The following GDPD4 variants were observed in gnomAD, a reference collection of about 807,000 sequenced individuals.
GDPD4 encodes glycerophosphodiester phosphodiesterase domain containing 4.
Under a neutral mutation model 67.8 loss-of-function variants are expected in GDPD4, and 60 were observed. The ratio of observed to expected loss-of-function variants is 0.88; its 90% CI spans 0.72 to 1.10. GDPD4 has a LOEUF of 1.10. Ranked by LOEUF, GDPD4 falls within the 50% of genes least tolerant of loss-of-function variation. The probability of loss-of-function intolerance (pLI) is 0.00; values close to 1 mark genes in which losing one functional copy is unlikely to be tolerated. For synonymous variants in GDPD4, 212 were observed against 210.9 expected, an observed-to-expected ratio of 1.00 and a Z score of -0.04; for missense variants, 623 against 613.9, an observed-to-expected ratio of 1.01 and a Z score of -0.16.
At chr11:77,225,947 T>C (rs574627260) in intron 16 of GDPD4, among the ~76,000 whole-genome samples, 1 of 152,134 alleles carries the variant, frequency 6.6e-6, no homozygotes, top group Non-Finnish European at 1.5e-5. Flanking sequence ...TCTAGATATC[T>C]CTTTGAGGTA....
rs947400190 is a variant in GDPD4, at chr11:77,279,542, C to A, written c.54-143G>T. 24 of 376,172 alleles carry A rather than the reference C, an allele frequency of 6.4e-5. 2 individuals are homozygous for A. Among genetic ancestry groups the A allele is most frequent in the African/African-American group, 4.5e-4 (22 of 49,238 alleles). 23.3% of individuals were successfully genotyped at this position (376,172 alleles called of 1,614,324 possible). A position where few individuals can be genotyped will look rare whatever the true frequency, so the allele number is the denominator to read the frequency against. ...AGCAGTGTGTGAACAGCAGCTTTTG[C>A]GGATAATTATATGAGGAGTTTTAAA... is the stretch of plus-strand genomic sequence containing the variant. On this transcript the variant is annotated intron_variant, in intron 3 of 16. Transcript: ENST00000315938.
At chr11:77,233,215 C>G (rs1958486746) in intron 13 of GDPD4, 43 bp from the exon 14 acceptor site, 1 of 1,588,170 alleles carries the variant, frequency 6.3e-7, no homozygotes, top group Non-Finnish European at 8.6e-7. Flanking sequence ...GATCAAGTTT[C>G]ATTCTCATCA....
chr11:77,259,693 A>C (rs566522771), intron 10 of GDPD4, among the ~76,000 whole-genome samples: 53 of 152,218 alleles, frequency 3.5e-4, no homozygotes, highest in African/African-American at 1.3e-3. Context: ...AATGAGAAGA[A>C]AGAGATTAGA....
intron 11 of GDPD4, among the ~76,000 whole-genome samples, chr11:77,252,066 T>TG (rs1565523326): frequency 5.3e-4 from 16 of 29,992 alleles, no homozygotes; most frequent in African/African-American, 7.3e-4. Flanking sequence ...TTTTTTTTTG[T>TG]TTTTTTTTTT....
chr11:77,251,830 T>C (rs937956786), intron 11 of GDPD4, among the ~76,000 whole-genome samples: 1 of 152,182 alleles, frequency 6.6e-6, no homozygotes, highest in African/African-American at 2.4e-5. Context: ...ATCTACAATA[T>C]GAAAATTTGT....
In GDPD4 at chr11:77,269,943, T is replaced by G; in HGVS notation, c.418A>C (p.Arg140=). Residue 140 remains arginine (R), a synonymous_variant, in exon 8 of 17, where the codon AGG becomes CGG. Transcript: ENST00000315938. Reference sequence around the variant, plus strand: ...CTTTTTTTCTCAGAATGTGTCATCCTGTATCTTCTCATTCTAACTAAAATT... The same window carrying G: ...CTTTTTTTCTCAGAATGTGTCATCCGGTATCTTCTCATTCTAACTAAAATT... ...LEREVRMRRY[R]MTHSEKKRLK... 1 of 1,560,284 alleles carries G rather than the reference T, an allele frequency of 6.4e-7. No homozygotes were observed. The highest frequency in any genetic ancestry group is 8.8e-7 in the Non-Finnish European group (1 of 1,132,758).
chr11:77,229,094 C>T (rs1338987350), intron 15 of GDPD4, 56 bp downstream of exon 15: 12 of 792,332 alleles, frequency 1.5e-5, no homozygotes, highest in Non-Finnish European at 2.2e-5. Flanking sequence ...TCTCAATTTC[C>T]TATAATAATC....
At chr11:77,263,184 A>G (rs1306300139) in intron 10 of GDPD4, among the ~76,000 whole-genome samples, 1 of 152,188 alleles carries the variant, frequency 6.6e-6, no homozygotes, top group East Asian at 1.9e-4. Context: ...TCTACACAAA[A>G]GAATAGTGCC....
chr11:77,225,420 C>T (rs1958311295), intron 16 of GDPD4, among the ~76,000 whole-genome samples: 1 of 151,782 alleles, frequency 6.6e-6, no homozygotes, highest in South Asian at 2.1e-4. Flanking sequence ...GAAATAAAGA[C>T]TAAAATTATG....
rs527878726 is a variant in GDPD4, at chr11:77,240,031, T to C, written c.1241+3663A>G. 9.9e-5 allele frequency among the ~76,000 whole-genome samples: 15 copies of C among 151,802 alleles called. No individual in the cohort carries two copies. In the South Asian group the frequency reaches 2.1e-3, roughly 21 times the overall value. ...AAATGAAAAGTTATGTGTTTATGGA[T>C]TGAAAGACTTAATATTGTTACAATG... On this transcript the variant is annotated intron_variant, in intron 13 of 16. Coordinates refer to ENST00000315938, the MANE Select transcript of GDPD4 (RefSeq NM_182833.3).
chr11:77,264,849 G>C (rs943793846), intron 10 of GDPD4, among the ~76,000 whole-genome samples: 3 of 151,710 alleles, frequency 2.0e-5, no homozygotes, highest in African/African-American at 7.3e-5. Context: ...TGATTATTTT[G>C]AGCTGGTTAT....
intron 14 of GDPD4, 73 bp from the exon 15 acceptor site, chr11:77,229,305 T>G: frequency 1.2e-6 from 1 of 850,340 alleles, no homozygotes; most frequent in Non-Finnish European, 1.9e-6. Flanking sequence ...CTAAGTCCCT[T>G]GCTCTGCTGC....
At chr11:77,237,212 G>A (rs1477885911) in intron 13 of GDPD4, among the ~76,000 whole-genome samples, 2 of 152,148 alleles carry the variant, frequency 1.3e-5, no homozygotes, top group South Asian at 2.1e-4. Context: ...CTGGGCCACA[G>A]AGTACATGTC....
intron 1 of GDPD4, among the ~76,000 whole-genome samples, chr11:77,292,708 A>G (rs1717096301): frequency 6.6e-6 from 1 of 152,174 alleles, no homozygotes; most frequent in Admixed American, 6.5e-5. Context: ...AGGATCATTA[A>G]GGAGATTAAA....
At chr11:77,269,763 G>C (rs1025326956) in intron 8 of GDPD4, 120 bp downstream of exon 8, 1 of 602,790 alleles carries the variant, frequency 1.7e-6, no homozygotes, top group Non-Finnish European at 3.0e-6. Flanking sequence ...CAATGCCTGC[G>C]ATAACCAGCC....
intron 15 of GDPD4, 123 bp downstream of exon 15, chr11:77,229,027 A>G: frequency 1.8e-6 from 1 of 563,244 alleles, no homozygotes. Context: ...AGAGAGATTC[A>G]GATTATAAAC....
At chr11:77,241,975 G>A (rs1958676401) in intron 13 of GDPD4, among the ~76,000 whole-genome samples, 1 of 151,992 alleles carries the variant, frequency 6.6e-6, no homozygotes, top group African/African-American at 2.4e-5. Context: ...GAAAAAGAGA[G>A]TAGAATGTTG....
At chr11:77,272,534 G>A (rs981988305) in intron 5 of GDPD4, among the ~76,000 whole-genome samples, 1 of 152,158 alleles carries the variant, frequency 6.6e-6, no homozygotes, top group African/African-American at 2.4e-5. Context: ...CCAGCACTTT[G>A]GGAGGCTGAG....
intron 15 of GDPD4, 143 bp from the exon 16 acceptor site, chr11:77,228,059 T>G: frequency 1.4e-6 from 1 of 713,286 alleles, no homozygotes; most frequent in South Asian, 1.6e-5. Flanking sequence ...TTCCCAAATG[T>G]CATTTTCTTC....
Sources: gnomAD v4.1 joint callset for allele counts (sites outside exome capture counted in the v4.1 genomes callset) on GRCh38, gnomAD v4.1.1 for gene constraint, MANE v1.5 for transcripts, NCBI Gene and HGNC (gene_info 2026-07-23, HGNC 2026-07-21) for gene names.